The following DIXDC1 variants were observed in gnomAD, a reference collection of about 807,000 sequenced individuals.
DIXDC1 encodes dixin.
Under a neutral mutation model 103.1 loss-of-function variants are expected in DIXDC1, and 64 were observed. The observed-to-expected ratio is 0.62, with a 90% CI of 0.51 to 0.76. The LOEUF (loss-of-function observed/expected upper bound fraction) is 0.76. Among genes scored for constraint, DIXDC1 ranks in the 30% least tolerant of loss-of-function variants. The pLI is 0.00. For synonymous variants in DIXDC1, 266 were observed against 298.5 expected, an observed-to-expected ratio of 0.89 and a Z score of 1.12; for missense variants, 759 against 834.2, an observed-to-expected ratio of 0.91 and a Z score of 1.11.
At position 111,985,229 on chromosome 11, in the gene DIXDC1, C is replaced by G. The variant is rs1555173687; in HGVS notation, c.919-3C>G. On this transcript the variant is annotated splice_polypyrimidine_tract_variant and splice_region_variant and intron_variant, in intron 7 of 19. Transcript: ENST00000440460. ...GTTTCTTTCTGCCTTTGTGGTTATT[C>G]AGGCCTTACTGCTCAATGGATCCTT... 1 of 1,612,232 alleles carries G rather than the reference C, an allele frequency of 6.2e-7. No homozygotes were observed. The highest frequency in any genetic ancestry group is 1.7e-5 in the Admixed American group (1 of 59,874).
rs1860158300 is a variant in DIXDC1 at position 111,977,676 on chromosome 11, G to A, written c.656+2693G>A. ...TGGAGGCGTTTTCCAGCCCCAGCGC[G>A]GGGAGACATGCCTGAATTTGGGAGC... On this transcript the variant is annotated intron_variant, in intron 5 of 19. Transcript: ENST00000440460. The surrounding 1 kb of genome is among the most constrained non-coding windows in gnomAD (Gnocchi z 6.1). 1.3e-6 allele frequency: 2 copies of A among 1,546,166 alleles called. No homozygotes were observed. The highest frequency in any genetic ancestry group is 2.0e-5 in the Admixed American group (1 of 50,788).
At chr11:112,010,928 C>G (rs188526237) in intron 17 of DIXDC1, among the ~76,000 whole-genome samples, 2 of 152,282 alleles carry the variant, frequency 1.3e-5, no homozygotes, top group Admixed American at 1.3e-4. Context: ...AAAGCAATGA[C>G]AACAAAAGCC....
chr11:112,021,993 A>AAG lies in DIXDC1; in HGVS notation c.*2958_*2959insGA, dbSNP rs1344809111. 1 of 152,012 alleles carries AAG rather than the reference A, an allele frequency of 6.6e-6. No individual in the cohort carries two copies. Among genetic ancestry groups the AAG allele is most frequent in the Admixed American group, 6.6e-5 (1 of 15,258 alleles). The allele number at this position is 152,012 out of a possible 1,614,324, so 9.4% of individuals were successfully genotyped here. On this transcript the variant is annotated 3_prime_UTR_variant, in exon 20 of 20. Coordinates refer to ENST00000440460, the MANE Select transcript of DIXDC1 (RefSeq NM_001037954.4). ...GACCCCATCTCCAAAAAAAAAAAAA[A>AAG]AAAAGTCATTTAAAAACTGAAGAAT...
At chr11:111,974,493 G>A (rs1308433918) in intron 4 of DIXDC1, 2 of 532,400 alleles carry the variant, frequency 3.8e-6, no homozygotes, top group African/African-American at 3.8e-5. Context: ...TTTTGCTCTG[G>A]TGCCCAAAAT....
At chr11:111,931,363 T>C (rs782562498) in intron 2 of DIXDC1, among the ~76,000 whole-genome samples, 2 of 151,498 alleles carry the variant, frequency 1.3e-5, no homozygotes, top group African/African-American at 4.8e-5. Context: ...TAAAGACTGA[T>C]GTCAGGCCAG....
chr11:111,953,929 A>T (rs58970314), intron 1 of DIXDC1, among the ~76,000 whole-genome samples: 11,916 of 151,868 alleles, frequency 0.078, 1,376 homozygotes, highest in African/African-American at 0.25. Context: ...GACAAAAGAA[A>T]CGCGTCTGTA....
intron 7 of DIXDC1, among the ~76,000 whole-genome samples, chr11:111,983,240 C>T (rs1005116456): frequency 2.1e-4 from 32 of 152,320 alleles, no homozygotes; most frequent in Middle Eastern, 3.4e-3. Flanking sequence ...TTTATGGACA[C>T]GTAAACAAAG....
At chr11:112,011,563 T>A (rs200675950) in intron 17 of DIXDC1, among the ~76,000 whole-genome samples, 1 of 152,134 alleles carries the variant, frequency 6.6e-6, no homozygotes, top group Admixed American at 6.5e-5. Context: ...CAAATGTCCA[T>A]CAATGATAGA....
At chr11:111,979,300 T>C (rs1221912049) in intron 5 of DIXDC1, among the ~76,000 whole-genome samples, 10 of 152,218 alleles carry the variant, frequency 6.6e-5, no homozygotes, top group Admixed American at 4.6e-4. Flanking sequence ...TGTTTTTTAC[T>C]GGATTCTAGG....
At chr11:111,985,988 A>G (rs1555173789) in intron 8 of DIXDC1, among the ~76,000 whole-genome samples, 1 of 152,052 alleles carries the variant, frequency 6.6e-6, no homozygotes, top group Admixed American at 6.5e-5. Flanking sequence ...TTCCCTCTAC[A>G]TACTTCCCTG....
At position 112,010,979 on chromosome 11, in the gene DIXDC1, G is replaced by A. The variant is rs1283674382; in HGVS notation, c.1757-5712G>A. Among the ~76,000 whole-genome samples the A allele has an allele frequency of 6.6e-5, 10 of 152,300 alleles. 1 individual carries two copies. In the South Asian group the frequency reaches 1.5e-3, roughly 22 times the overall value. On this transcript the variant is annotated intron_variant, in intron 17 of 19. Coordinates refer to ENST00000440460, the MANE Select transcript of DIXDC1 (RefSeq NM_001037954.4). ...GATCTAATTAAACTAAAGAGCTTCTGCACAGCAAAAGAAACTATCATCAGA... is the reference window on the plus strand; with the variant it reads ...GATCTAATTAAACTAAAGAGCTTCTACACAGCAAAAGAAACTATCATCAGA...
intron 1 of DIXDC1, among the ~76,000 whole-genome samples, chr11:111,960,605 A>G (rs1224048956): frequency 5.9e-5 from 9 of 151,994 alleles, no homozygotes; most frequent in African/African-American, 1.9e-4. Flanking sequence ...AAAAAAAAAA[A>G]AAAAGAAAAG....
chr11:111,995,055 G>C lies in DIXDC1; in HGVS notation c.1474G>C (p.Gly492Arg), dbSNP rs1262660318. 10 of 1,613,656 alleles carry C rather than the reference G, an allele frequency of 6.2e-6. No individual in the cohort carries two copies. The highest frequency in any genetic ancestry group is 8.5e-6 in the Non-Finnish European group (10 of 1,179,898). The part of the protein sequence containing the change: ...NYNSHNSQSN[G>R]FLLPTAGKGA... ...CAACAGTCACAACTCTCAAAGCAATGGTTTTCTCCTTCCAACGGCAGGAAA... is the reference window on the plus strand; with the variant it reads ...CAACAGTCACAACTCTCAAAGCAATCGTTTTCTCCTTCCAACGGCAGGAAA... Residue 492 changes from glycine (G) to arginine (R), a missense_variant, in exon 15 of 20, where the codon GGT becomes CGT. By Grantham distance (125) the Gly-to-Arg change is moderately radical. This residue lies in a region of DIXDC1 where 657 missense variants were observed against 727.5 expected (regional missense o/e 0.90). Transcript: ENST00000440460.
At chr11:111,990,456 C>CTAGAAA (rs1860669953) in intron 10 of DIXDC1, among the ~76,000 whole-genome samples, 6 of 152,002 alleles carry the variant, frequency 3.9e-5, no homozygotes, top group African/African-American at 1.5e-4. Context: ...ACGGTTTTAC[C>CTAGAAA]CAAATGGTAA....
At chr11:111,969,834 CCTT>C (rs369993020) in intron 3 of DIXDC1, among the ~76,000 whole-genome samples, 32 of 152,248 alleles carry the variant, frequency 2.1e-4, no homozygotes, top group African/African-American at 7.7e-4. Context: ...CTTCACCACT[CCTT>C]CTCAACATAG....
At chr11:111,941,970 G>A (rs1555168910) in intron 1 of DIXDC1, among the ~76,000 whole-genome samples, 1 of 152,116 alleles carries the variant, frequency 6.6e-6, no homozygotes, top group African/African-American at 2.4e-5. Flanking sequence ...TAAAGGCCTT[G>A]TGCCCTCCAT....
chr11:111,950,525 G>A (rs1229503199), intron 1 of DIXDC1, among the ~76,000 whole-genome samples: 1 of 130,186 alleles, frequency 7.7e-6, no homozygotes, highest in Non-Finnish European at 1.6e-5. Flanking sequence ...GCATGATCTT[G>A]GCTCACTGCA....
intron 17 of DIXDC1, among the ~76,000 whole-genome samples, chr11:111,997,493 G>A (rs928423238): frequency 4.6e-5 from 7 of 152,056 alleles, no homozygotes; most frequent in Admixed American, 2.6e-4. Flanking sequence ...GCACTACCAC[G>A]CCTGGCTAAT....
chr11:111,933,739 A>G (rs1305452174), upstream of DIXDC1, among the ~76,000 whole-genome samples: 1 of 149,618 alleles, frequency 6.7e-6, no homozygotes, highest in Non-Finnish European at 1.5e-5. Context: ...CATTTAAAAT[A>G]TTTTTATTGA....
Sources: gnomAD v4.1 joint callset for allele counts (sites outside exome capture counted in the v4.1 genomes callset) on GRCh38, gnomAD v4.1.1 for gene constraint, gnomAD v4.1.1 regional missense constraint, Gnocchi (gnomAD v3.1) non-coding constraint, MANE v1.5 for transcripts, NCBI Gene and HGNC (gene_info 2026-07-23, HGNC 2026-07-21) for gene names.